Variants in PGM3 observed in about 807,000 individuals in gnomAD.
PGM3 encodes the protein phosphoacetylglucosamine mutase.
PGM3 carries 40 observed loss-of-function variants against 66.2 expected under a neutral mutation model. That is an observed-to-expected ratio of 0.60 (90% CI 0.47 to 0.79). PGM3 has a LOEUF of 0.79. PGM3 is among the 30% of genes least tolerant of loss of function. PGM3 has a pLI of 0.00. For synonymous variants in PGM3, 191 were observed against 224.2 expected, an observed-to-expected ratio of 0.85 and a Z score of 1.32; for missense variants, 537 against 643.4, an observed-to-expected ratio of 0.83 and a Z score of 1.79.
chr6:83,166,036 C>A lies in PGM3; in HGVS notation c.*3198G>T. 1 of 274,752 alleles carries A rather than the reference C, an allele frequency of 3.6e-6. No homozygotes were observed. The highest frequency in any genetic ancestry group is 5.8e-5 in the South Asian group (1 of 17,320). The allele number at this position is 274,752 out of a possible 1,614,324, so 17.0% of individuals were successfully genotyped here. On this transcript the variant is annotated 3_prime_UTR_variant, in exon 13 of 13. Transcript: ENST00000513973. ...TCAGTCCAGCCACTGAGCTGGTCATCGCCAGTTGTCGTATAAAATCCACCT... is the reference window on the plus strand; with the variant it reads ...TCAGTCCAGCCACTGAGCTGGTCATAGCCAGTTGTCGTATAAAATCCACCT...
the PGM3 span, chr6:83,154,131 C>CT: frequency 4.4e-6 from 7 of 1,604,124 alleles, no homozygotes; most frequent in East Asian, 1.6e-4. Flanking sequence ...GAATACTGTT[C>CT]TTTAACAGTA....
At chr6:83,152,268 T>C in the PGM3 span, 5 of 1,466,484 alleles carry the variant, frequency 3.4e-6, no homozygotes, top group Non-Finnish European at 3.7e-6. Context: ...GCCATATCTT[T>C]AATTTTCTCT....
chr6:83,168,028 G>A lies in PGM3; in HGVS notation c.*1206C>T. 1 of 1,614,106 alleles carries A rather than the reference G, an allele frequency of 6.2e-7. No homozygotes were observed. Among genetic ancestry groups the A allele is most frequent in the Non-Finnish European group, 8.5e-7 (1 of 1,180,024 alleles). ...ACAAGCCGATGTGGAGGACACTCAG[G>A]GAGTCCTATCCTCTACTCAAATGCC... On this transcript the variant is annotated 3_prime_UTR_variant, in exon 13 of 13. Transcript: ENST00000513973.
At chr6:83,149,512 A>T in the PGM3 span, among the ~76,000 whole-genome samples, 3 of 152,194 alleles carry the variant, frequency 2.0e-5, no homozygotes, top group Admixed American at 6.5e-5. Context: ...AGCAGGGCAC[A>T]GGCAGTGGTA....
chr6:83,188,927 A>C lies in PGM3; in HGVS notation c.205-129T>G, dbSNP rs942987327. ...GAGCAGCTTCAACAATAAACACCAA[A>C]TATTAATACTGGACCCTGGATTAGG... On this transcript the variant is annotated intron_variant, in intron 2 of 12. Coordinates refer to ENST00000513973, the MANE Select transcript of PGM3 (RefSeq NM_015599.3). 3.4e-5 allele frequency: 22 copies of C among 645,630 alleles called. No homozygotes were observed. The Admixed American group carries it at 5.5e-4, about 16-fold the overall frequency. The allele number at this position is 645,630 out of a possible 1,614,324, so 40.0% of individuals were successfully genotyped here. A position where few individuals can be genotyped will look rare whatever the true frequency, so the allele number is the denominator to read the frequency against.
downstream of PGM3, among the ~76,000 whole-genome samples, chr6:83,163,728 T>C (rs761558784): frequency 3.9e-5 from 6 of 152,078 alleles, no homozygotes; most frequent in Admixed American, 6.6e-5. Flanking sequence ...TGAGTACAGA[T>C]TGCAAGACCC....
downstream of PGM3, chr6:83,158,544 A>G: frequency 6.4e-7 from 1 of 1,565,250 alleles, no homozygotes; most frequent in Non-Finnish European, 8.8e-7. Context: ...TTAAATAAAC[A>G]TTTAACATTT....
chr6:83,153,481 T>G, the PGM3 span: 5 of 1,473,906 alleles, frequency 3.4e-6, no homozygotes, highest in Admixed American at 9.4e-5. Flanking sequence ...TCACCTCATA[T>G]GTTACTCTTC....
At position 83,182,809 on chromosome 6, in the gene PGM3, T is replaced by G. The variant is rs116460959; in HGVS notation, c.591+36A>C. On this transcript the variant is annotated intron_variant, in intron 5 of 12. Coordinates refer to ENST00000513973, the MANE Select transcript of PGM3 (RefSeq NM_015599.3). Reference sequence around the variant, plus strand: ...CAGTAGACCATGTTACTTTATTCATTTGTTTAACTTTAACCATGTTCAATA... The same window carrying G: ...CAGTAGACCATGTTACTTTATTCATGTGTTTAACTTTAACCATGTTCAATA... 3,185 of 1,589,970 alleles carry G rather than the reference T, an allele frequency of 2.0e-3. 73 individuals are homozygous for G. In the African/African-American group the frequency reaches 0.037, roughly 19 times the overall value.
downstream of PGM3, chr6:83,162,789 G>C: frequency 6.2e-7 from 1 of 1,610,768 alleles, no homozygotes; most frequent in Non-Finnish European, 8.5e-7. Flanking sequence ...TCTATACATA[G>C]GTACCGATGG....
chr6:83,171,914 T>TTTTGAA, intron 11 of PGM3, 23 bp downstream of exon 11: 2 of 1,590,592 alleles, frequency 1.3e-6, no homozygotes, highest in South Asian at 2.2e-5. Flanking sequence ...TTCAAAAAAG[T>TTTTGAA]TACTTTAAAG....
At position 83,193,263 on chromosome 6, in the gene PGM3, C is replaced by A. The variant is rs1789314404; in HGVS notation, c.-87G>T. The A allele has an allele frequency of 6.6e-6, 1 of 152,346 alleles. No homozygotes were observed. Among genetic ancestry groups the A allele is most frequent in the Non-Finnish European group, 1.5e-5 (1 of 68,138 alleles). The allele number at this position is 152,346 out of a possible 1,614,324, so 9.4% of individuals were successfully genotyped here. Reference sequence around the variant, plus strand: ...TGCACCCAAACCCAGTCCTCAGAACCGCAGACGTGGCCCTGCGTGGCTTCC... The same window carrying A: ...TGCACCCAAACCCAGTCCTCAGAACAGCAGACGTGGCCCTGCGTGGCTTCC... On this transcript the variant is annotated 5_prime_UTR_variant, in exon 1 of 13. Transcript: ENST00000513973.
At chr6:83,192,077 C>A (rs1789148405) in intron 1 of PGM3, among the ~76,000 whole-genome samples, 1 of 151,740 alleles carries the variant, frequency 6.6e-6, no homozygotes, top group African/African-American at 2.4e-5. Context: ...CCAGCCTGAC[C>A]AACATGGTGA....
intron 1 of PGM3, among the ~76,000 whole-genome samples, chr6:83,192,509 C>A (rs997746597): frequency 1.3e-5 from 2 of 152,090 alleles, no homozygotes; most frequent in Non-Finnish European, 2.9e-5. Context: ...ACAGAACTTG[C>A]AAGAAATGGT....
Position 83,190,622 on chromosome 6 carries a change from A to T in PGM3, c.204+187T>A, listed in dbSNP as rs1225779688. 4.7e-5 allele frequency: 28 copies of T among 594,202 alleles called. No individual in the cohort carries two copies. In the East Asian group the frequency reaches 7.5e-4, roughly 16 times the overall value. The allele number at this position is 594,202 out of a possible 1,614,324, so 36.8% of individuals were successfully genotyped here. On this transcript the variant is annotated intron_variant, in intron 2 of 12. Coordinates refer to ENST00000513973, the MANE Select transcript of PGM3 (RefSeq NM_015599.3). ...GACAGTATCTTTTCATTCTTTCCAC[A>T]CCCTTAGGAATCATGAGCTTAATGA...
rs1786512562 is a variant in PGM3 at position 83,169,125 on chromosome 6, G to T, written c.*109C>A. ...AACAGATCTAGAGACAATCCAGTAG[G>T]CTGCATTGTAAACATTATGATTATA... On this transcript the variant is annotated 3_prime_UTR_variant, in exon 13 of 13. Coordinates refer to ENST00000513973, the MANE Select transcript of PGM3 (RefSeq NM_015599.3). 1.3e-6 allele frequency: 2 copies of T among 1,517,428 alleles called. No individual in the cohort carries two copies. Among genetic ancestry groups the T allele is most frequent in the African/African-American group, 2.8e-5 (2 of 72,152 alleles). 94.0% of individuals were successfully genotyped at this position (1,517,428 alleles called of 1,614,324 possible).
intron 1 of PGM3, chr6:83,191,242 AGCAGATTGTC>A: frequency 6.5e-7 from 1 of 1,535,408 alleles, no homozygotes; most frequent in Non-Finnish European, 8.7e-7. Context: ...CAGGGCAGAT[AGCAGATTGTC>A]CCCACTCTCC....
intron 8 of PGM3, 105 bp from the exon 9 acceptor site, chr6:83,176,165 G>A (rs1310144068): frequency 8.1e-5 from 55 of 677,376 alleles, no homozygotes; most frequent in South Asian, 4.2e-4. Flanking sequence ...TACTGGGGCC[G>A]AGTCCAGTGA....
intron 8 of PGM3, 75 bp downstream of exon 8, chr6:83,178,598 T>G: frequency 1.2e-6 from 1 of 831,210 alleles, no homozygotes; most frequent in Non-Finnish European, 2.1e-6. Context: ...TAATCACTTT[T>G]ATGAGGGCAG....
Sources: gnomAD v4.1 joint callset for allele counts (sites outside exome capture counted in the v4.1 genomes callset) on GRCh38, gnomAD v4.1.1 for gene constraint, MANE v1.5 for transcripts, NCBI Gene and HGNC (gene_info 2026-07-23, HGNC 2026-07-21) for gene names.